COL4A1: variants seen among roughly 807,000 people sequenced by gnomAD.
The protein encoded by COL4A1 is collagen type IV alpha 1 chain.
Under a neutral mutation model 216.6 loss-of-function variants are expected in COL4A1, and 40 were observed. That is an observed-to-expected ratio of 0.18 (90% CI 0.14 to 0.24). The LOEUF is 0.24. Among genes scored for constraint, COL4A1 ranks in the 10% least tolerant of loss-of-function variants. The pLI is 1.00. For missense variants in COL4A1, 1,628 were observed against 2,196.8 expected (o/e 0.74, Z 5.18); for synonymous variants, 839 against 810.7 (o/e 1.03, Z -0.59).
chr13:110,218,214 G>GCCCTATGATA (rs5806842), intron 2 of COL4A1, among the ~76,000 whole-genome samples: 1 of 152,062 alleles, frequency 6.6e-6, no homozygotes, highest in South Asian at 2.1e-4. Flanking sequence ...ACTGTCAAAG[G>GCCCTATGATA]CCTGTTTCAG....
At chr13:110,154,586 T>C (rs1423448283) in intron 50 of COL4A1, among the ~76,000 whole-genome samples, 5 of 152,260 alleles carry the variant, frequency 3.3e-5, no homozygotes, top group Non-Finnish European at 5.9e-5. Flanking sequence ...GTAAAGAGGC[T>C]GGTCATATAG....
intron 2 of COL4A1, among the ~76,000 whole-genome samples, chr13:110,228,252 C>A (rs1880842842): frequency 6.6e-6 from 1 of 150,846 alleles, no homozygotes; most frequent in African/African-American, 2.4e-5. Context: ...GGGGGGTCTA[C>A]ATCAGGAACA....
At chr13:110,156,862 TTGTG>T (rs1012683986) in intron 49 of COL4A1, among the ~76,000 whole-genome samples, 1 of 152,134 alleles carries the variant, frequency 6.6e-6, no homozygotes, top group Non-Finnish European at 1.5e-5. Context: ...TTCCATGGAC[TTGTG>T]TGTGTGTCTG....
intron 1 of COL4A1, among the ~76,000 whole-genome samples, chr13:110,306,708 C>A (rs1184331390): frequency 6.6e-6 from 1 of 152,238 alleles, no homozygotes; most frequent in African/African-American, 2.4e-5. Flanking sequence ...CTCCCTTCCC[C>A]GGAGGAATTC....
intron 49 of COL4A1, among the ~76,000 whole-genome samples, chr13:110,156,061 G>A (rs1365632142): frequency 2.0e-5 from 3 of 152,208 alleles, no homozygotes; most frequent in African/African-American, 4.8e-5. Context: ...GCAACATAGC[G>A]AGACCTGCCC....
intron 4 of COL4A1, 77 bp downstream of exon 4, chr13:110,213,705 G>C: frequency 6.9e-7 from 1 of 1,449,888 alleles, no homozygotes; most frequent in Non-Finnish European, 9.7e-7. Context: ...GGAGAAAGGA[G>C]GGAAAAGGTG....
intron 26 of COL4A1, among the ~76,000 whole-genome samples, chr13:110,185,580 A>G (rs1005213216): frequency 8.5e-5 from 13 of 152,306 alleles, no homozygotes; most frequent in Admixed American, 5.9e-4. Flanking sequence ...ATCTACACAC[A>G]AGGCATTCCT....
At chr13:110,175,975 C>T (rs1460749919) in intron 36 of COL4A1, among the ~76,000 whole-genome samples, 2 of 152,230 alleles carry the variant, frequency 1.3e-5, no homozygotes, top group African/African-American at 4.8e-5. Context: ...CTCTTCCCGG[C>T]TGCTCTCACT....
chr13:110,165,075 G>T, intron 45 of COL4A1, 85 bp from the exon 46 acceptor site: 1 of 1,551,706 alleles, frequency 6.4e-7, no homozygotes, highest in South Asian at 1.2e-5. Context: ...CCCGGGTGAA[G>T]CTATCCAAAT....
At chr13:110,237,271 G>A (rs9521660) in intron 2 of COL4A1, among the ~76,000 whole-genome samples, 30,735 of 152,128 alleles carry the variant, frequency 0.2, 3,359 homozygotes, top group Non-Finnish European at 0.25. Flanking sequence ...TTATCTGAAG[G>A]AGTAGAAACT....
At position 110,162,248 on chromosome 13, in the gene COL4A1, C is replaced by T. The variant is rs1466598820; in HGVS notation, c.4444G>A (p.Ala1482Thr). 2.5e-6 allele frequency: 4 copies of T among 1,614,190 alleles called. No homozygotes were observed. In the South Asian group the frequency reaches 4.4e-5, roughly 18 times the overall value. The change falls in exon 48 of 52, where the codon GCC becomes ACC. Residue 1482 changes from alanine (A) to threonine (T), a missense_variant. Ala to Thr is a moderately conservative substitution (Grantham distance 58). This residue lies in a region of COL4A1 where 254 missense variants were observed against 300.1 expected (regional missense o/e 0.85). Transcript: ENST00000375820. ...TTCTTACCCAAGTCCTGGCCATGGG[C>T]CCGTTCATTGCCTTGCACGTAGAGC... ...SLLYVQGNER[A>T]HGQDLGTAGS...
At chr13:110,171,619 G>C (rs188370867) in intron 41 of COL4A1, among the ~76,000 whole-genome samples, 2 of 152,322 alleles carry the variant, frequency 1.3e-5, no homozygotes, top group African/African-American at 4.8e-5. Flanking sequence ...AAAAGGGAAT[G>C]AAATAGGGTC....
chr13:110,298,400 G>A (rs1335372242), intron 1 of COL4A1, among the ~76,000 whole-genome samples: 1 of 152,192 alleles, frequency 6.6e-6, no homozygotes, highest in East Asian at 1.9e-4. Context: ...TAAAAACCGT[G>A]TCATCCCCTT....
At chr13:110,215,574 A>AC (rs1555307434) in intron 2 of COL4A1, among the ~76,000 whole-genome samples, 4 of 125,212 alleles carry the variant, frequency 3.2e-5, no homozygotes, top group African/African-American at 1.3e-4. Flanking sequence ...AAAAAAAAAA[A>AC]AACAACAACC....
At chr13:110,170,258 G>T (rs1321523254) in intron 42 of COL4A1, among the ~76,000 whole-genome samples, 1 of 152,226 alleles carries the variant, frequency 6.6e-6, no homozygotes, top group Non-Finnish European at 1.5e-5. Flanking sequence ...CCACAAGTGG[G>T]CCCAAGTGCT....
At chr13:110,181,501 A>G in intron 28 of COL4A1, 112 bp from the exon 29 acceptor site, 1 of 1,136,358 alleles carries the variant, frequency 8.8e-7, no homozygotes, top group South Asian at 1.3e-5. Context: ...CTGATCTGAG[A>G]AGGTCAACTG....
intron 24 of COL4A1, 49 bp downstream of exon 24, chr13:110,192,165 C>T (rs1470772738): frequency 8.2e-6 from 13 of 1,585,076 alleles, no homozygotes; most frequent in Non-Finnish European, 1.1e-5. Flanking sequence ...TGTCCACGTG[C>T]TTGGTGGCAA....
chr13:110,265,364 AT>A (rs1882987988), intron 1 of COL4A1: 1 of 152,274 alleles, frequency 6.6e-6, no homozygotes, highest in Non-Finnish European at 1.5e-5. Context: ...AAAGAAAAGT[AT>A]TAAAGTAGTC....
intron 17 of COL4A1, among the ~76,000 whole-genome samples, chr13:110,204,186 A>T (rs1390279579): frequency 6.6e-6 from 1 of 152,180 alleles, no homozygotes; most frequent in Admixed American, 6.5e-5. Flanking sequence ...TTTCATATCA[A>T]ATATTTTTAT....
Sources: allele counts gnomAD v4.1 joint callset (sites outside exome capture counted in the v4.1 genomes callset), GRCh38; gene constraint gnomAD v4.1.1; regional missense constraint gnomAD v4.1.1; transcripts MANE v1.5; gene names NCBI Gene and HGNC (gene_info 2026-07-23, HGNC 2026-07-21).